CUL7: variants seen among roughly 807,000 people sequenced by gnomAD.
CUL7 encodes cullin-7.
CUL7 carries 96 observed loss-of-function variants against 177.7 expected under a neutral mutation model. That is an observed-to-expected ratio of 0.54 (90% CI 0.46 to 0.64). The LOEUF (loss-of-function observed/expected upper bound fraction) is 0.64. Among genes scored for constraint, CUL7 ranks in the 30% least tolerant of loss-of-function variants. The pLI is 0.00. For missense variants in CUL7, 1,893 were observed against 2,187.9 expected (o/e 0.87, Z 2.69); for synonymous variants, 824 against 890.2 (o/e 0.93, Z 1.32).
chr6:43,052,845 T>A lies in CUL7; in HGVS notation c.-8-49A>T, dbSNP rs779165204. 95 of 1,564,502 alleles carry A rather than the reference T, an allele frequency of 6.1e-5. 4 individuals are homozygous for A. The South Asian group carries it at 8.6e-4, about 14-fold the overall frequency. On this transcript the variant is annotated intron_variant, in intron 1 of 25. Coordinates refer to ENST00000265348, the MANE Select transcript of CUL7 (RefSeq NM_014780.5). The surrounding 1 kb of genome is among the most constrained non-coding windows in gnomAD (Gnocchi z 4.5). ...ACAGACAAGCTAGAGGAAGGAGAGG[T>A]CAGAAAATCAAAGATATCCAGGAGG...
Position 43,046,426 on chromosome 6 carries a change from G to T in CUL7, c.2489-19C>A. 6.2e-7 allele frequency: 1 copy of T among 1,614,212 alleles called. No homozygotes were observed. Among genetic ancestry groups the T allele is most frequent in the Non-Finnish European group, 8.5e-7 (1 of 1,180,040 alleles). On this transcript the variant is annotated intron_variant, in intron 11 of 25. Coordinates refer to ENST00000265348, the MANE Select transcript of CUL7 (RefSeq NM_014780.5). ...CTGGAGCCTGGGGGCAAGTGGGAAG[G>T]GGTGGTGGTCACGGTCAGGTAGGGT... is the stretch of plus-strand genomic sequence containing the variant.
At chr6:43,042,173 G>A (rs1763493787) in intron 19 of CUL7, among the ~76,000 whole-genome samples, 2 of 151,690 alleles carry the variant, frequency 1.3e-5, no homozygotes, top group South Asian at 2.1e-4. Flanking sequence ...AAAGAAAGAC[G>A]GACACAAGGA....
rs1368188566 is a variant in CUL7, at chr6:43,051,910, T to C, written c.581-147A>G. The stretch of plus-strand genomic sequence containing the variant: ...TCAAAAGCTAAAATTTGCTAACTTA[T>C]ACACATACACACACACACGCACATA... On this transcript the variant is annotated intron_variant, in intron 2 of 25. Coordinates refer to ENST00000265348, the MANE Select transcript of CUL7 (RefSeq NM_014780.5). The surrounding 1 kb of genome is among the most constrained non-coding windows in gnomAD (Gnocchi z 5.0). 1.7e-5 allele frequency: 18 copies of C among 1,068,482 alleles called. No homozygotes were observed. Among genetic ancestry groups the C allele is most frequent in the Non-Finnish European group, 2.6e-5 (18 of 697,698 alleles). The allele number at this position is 1,068,482 out of a possible 1,614,324, so 66.2% of individuals were successfully genotyped here.
chr6:43,040,093 C>T lies in CUL7; in HGVS notation c.4294+63G>A, dbSNP rs1763278228. The T allele has an allele frequency of 6.2e-7, 1 of 1,602,260 alleles. No homozygotes were observed. Among genetic ancestry groups the T allele is most frequent in the African/African-American group, 1.3e-5 (1 of 74,656 alleles). ...CCAACATCAGGGTCTGCCCCCAACC[C>T]CAGGTCCTTTCCTAGCAGCCCACCC... is the stretch of plus-strand genomic sequence containing the variant. On this transcript the variant is annotated intron_variant, in intron 22 of 25. Transcript: ENST00000265348. The surrounding 1 kb of genome is among the most constrained non-coding windows in gnomAD (Gnocchi z 4.2).
chr6:43,051,767 T>C lies in CUL7; in HGVS notation c.581-4A>G. 2 of 1,614,152 alleles carry C rather than the reference T, an allele frequency of 1.2e-6. No homozygotes were observed. Among genetic ancestry groups the C allele is most frequent in the South Asian group, 1.1e-5 (1 of 91,066 alleles). ...AGAAGGATCTGAGTCCGGGTCCCTG[T>C]AACCCACACCCCAGTTGGTAACTTC... On this transcript the variant is annotated splice_polypyrimidine_tract_variant and splice_region_variant and intron_variant, in intron 2 of 25. Transcript: ENST00000265348. The surrounding 1 kb of genome is among the most constrained non-coding windows in gnomAD (Gnocchi z 5.0).
chr6:43,047,526 C>T (rs1764021487), intron 9 of CUL7, among the ~76,000 whole-genome samples: 1 of 152,150 alleles, frequency 6.6e-6, no homozygotes, highest in Non-Finnish European at 1.5e-5. Flanking sequence ...CCCAATGAGC[C>T]TGCCTTAGAA....
rs562374862 is a variant in CUL7, at chr6:43,051,886, C to T, written c.581-123G>A. On this transcript the variant is annotated intron_variant, in intron 2 of 25. Coordinates refer to ENST00000265348, the MANE Select transcript of CUL7 (RefSeq NM_014780.5). The surrounding 1 kb of genome is among the most constrained non-coding windows in gnomAD (Gnocchi z 5.0). ...ACAATGAGAAAGAACTGATTTGCTT[C>T]AAAAGCTAAAATTTGCTAACTTATA... 5,122 of 1,340,896 alleles carry T rather than the reference C, an allele frequency of 3.8e-3. 15 individuals are homozygous for T. Among genetic ancestry groups the T allele is most frequent in the Non-Finnish European group, 4.8e-3 (4,462 of 938,272 alleles). The allele number at this position is 1,340,896 out of a possible 1,614,324, so 83.1% of individuals were successfully genotyped here.
intron 7 of CUL7, 55 bp downstream of exon 7, chr6:43,049,352 T>C: frequency 6.2e-7 from 1 of 1,610,052 alleles, no homozygotes; most frequent in Non-Finnish European, 8.5e-7. Context: ...CAGACATCTC[T>C]CCTGTGCTAC....
Position 43,040,991 on chromosome 6 carries a change from G to A in CUL7, c.3730C>T (p.Gln1244Ter). 6.2e-7 allele frequency: 1 copy of A among 1,613,496 alleles called. No homozygotes were observed. The highest frequency in any genetic ancestry group is 8.5e-7 in the Non-Finnish European group (1 of 1,179,730). The change falls in exon 20 of 26, where the codon CAG becomes TAG. Residue 1244 changes from glutamine (Q) to a stop codon, truncating the protein, a stop_gained. Transcript: ENST00000265348. LOFTEE classifies it high-confidence loss of function. The surrounding 1 kb of genome is among the most constrained non-coding windows in gnomAD (Gnocchi z 4.2). ...GGAQEMERLA[Q>*]LQQCLQAVLI... ...ACAGCTTGCAGGCATTGCTGCAGCT[G>A]TGCCAGCCTCTCCATTTCCTGGGCT...
At chr6:43,039,317 T>C (rs1375238578) in intron 22 of CUL7, among the ~76,000 whole-genome samples, 3 of 152,190 alleles carry the variant, frequency 2.0e-5, no homozygotes, top group African/African-American at 7.2e-5. Flanking sequence ...GCTGGAATAT[T>C]ATGACAGGAA....
intron 9 of CUL7, 52 bp from the exon 10 acceptor site, chr6:43,047,159 A>G (rs1763992105): frequency 4.8e-6 from 5 of 1,040,088 alleles, no homozygotes; most frequent in Non-Finnish European, 7.6e-6. Flanking sequence ...GAGGGCCACA[A>G]GGGCACCTGC....
Position 43,040,479 on chromosome 6 carries a change from G to T in CUL7, c.4023+51C>A, listed in dbSNP as rs141784862. ...CATGGCCTCCTCCAGTCTGCTCCAC[G>T]CCCCTCTTCCCCCTACCCTCTTATT... On this transcript the variant is annotated intron_variant, in intron 21 of 25. Transcript: ENST00000265348. The surrounding 1 kb of genome is among the most constrained non-coding windows in gnomAD (Gnocchi z 4.2). The T allele has an allele frequency of 3.3e-5, 54 of 1,612,360 alleles. No homozygotes were observed. Among genetic ancestry groups the T allele is most frequent in the Non-Finnish European group, 4.4e-5 (52 of 1,179,970 alleles).
intron 19 of CUL7, among the ~76,000 whole-genome samples, chr6:43,041,703 G>T (rs1235967402): frequency 4.0e-5 from 6 of 151,180 alleles, no homozygotes; most frequent in African/African-American, 1.2e-4. Flanking sequence ...GAAGGGAAGG[G>T]GAAGGGAAGG....
In CUL7 at chr6:43,043,478, G is replaced by C. The variant is rs576570733; in HGVS notation, c.3325C>G (p.Pro1109Ala). 38 of 1,614,064 alleles carry C rather than the reference G, an allele frequency of 2.4e-5. No individual in the cohort carries two copies. In the South Asian group the frequency reaches 3.6e-4, roughly 15 times the overall value. The change falls in exon 17 of 26, where the codon CCC becomes GCC. Residue 1109 changes from proline (P) to alanine (A), a missense_variant. This residue lies in a region of CUL7 where 973 missense variants were observed against 1,140.9 expected (regional missense o/e 0.85). Transcript: ENST00000265348. The surrounding 1 kb of genome is among the most constrained non-coding windows in gnomAD (Gnocchi z 4.2). ...CGAGGAGTGGCCACCACAGGAGGGG[G>C]TGCCTCACAGGGCTCGACATGCACC... is the stretch of plus-strand genomic sequence containing the variant. Reference protein sequence around the residue: ...LLVHVEPCEAPPPVVATPRPK... With the variant: ...LLVHVEPCEAAPPVVATPRPK...
chr6:43,046,198 C>G (rs878993339), intron 12 of CUL7, 38 bp downstream of exon 12: 1 of 1,614,104 alleles, frequency 6.2e-7, no homozygotes, highest in South Asian at 1.1e-5. Context: ...CACAGGAAAG[C>G]ACACGTGTGT....
chr6:43,042,896 G>A lies in CUL7; in HGVS notation c.3551C>T (p.Ser1184Phe). 1 of 1,614,156 alleles carries A rather than the reference G, an allele frequency of 6.2e-7. No individual in the cohort carries two copies. The highest frequency in any genetic ancestry group is 8.5e-7 in the Non-Finnish European group (1 of 1,180,010). ...GGCTGCCCGAGGCCCAAACAGTTCAGAGCTTGAGTTCTGCAGAATATTAAA... is the reference window on the plus strand; with the variant it reads ...GGCTGCCCGAGGCCCAAACAGTTCAAAGCTTGAGTTCTGCAGAATATTAAA... ...EHFNILQNSS[S>F]ELFGPRAAFL... The change falls in exon 19 of 26, where the codon TCT (serine) becomes TTT (phenylalanine). Residue 1184 changes from serine to phenylalanine, a missense_variant. This residue lies in a region of CUL7 where 973 missense variants were observed against 1,140.9 expected (regional missense o/e 0.85). Coordinates refer to ENST00000265348, the MANE Select transcript of CUL7 (RefSeq NM_014780.5).
Position 43,050,441 on chromosome 6 carries a change from C to T in CUL7, c.1234-43G>A, listed in dbSNP as rs937965644. ...AAAGAGGGAAGGGGAAGGGAGGACT[C>T]ACAAATGACTGGCTGTGGCCCAGTA... On this transcript the variant is annotated intron_variant, in intron 4 of 25. Coordinates refer to ENST00000265348, the MANE Select transcript of CUL7 (RefSeq NM_014780.5). This position sits in a 1 kb window ranked among gnomAD's most constrained non-coding sequence, Gnocchi z 4.1. 1.2e-6 allele frequency: 2 copies of T among 1,612,508 alleles called. No individual in the cohort carries two copies. Among genetic ancestry groups the T allele is most frequent in the Non-Finnish European group, 1.7e-6 (2 of 1,179,600 alleles).
In CUL7 at chr6:43,053,753, C is replaced by T. The variant is rs1359420378; in HGVS notation, c.-140G>A. ...GTCGAGACGGAGAGACGGGAGGGGG[C>T]GTGCCTCCGCGGAACAGAGCTGCAC... On this transcript the variant is annotated 5_prime_UTR_variant, in exon 1 of 26. Transcript: ENST00000265348. This position sits in a 1 kb window ranked among gnomAD's most constrained non-coding sequence, Gnocchi z 4.1. 2.0e-6 allele frequency: 3 copies of T among 1,498,476 alleles called. No homozygotes were observed. The highest frequency in any genetic ancestry group is 4.3e-5 in the Admixed American group (2 of 47,050). The allele number at this position is 1,498,476 out of a possible 1,614,324, so 92.8% of individuals were successfully genotyped here. A position where few individuals can be genotyped will look rare whatever the true frequency, so the allele number is the denominator to read the frequency against.
intron 11 of CUL7, 50 bp from the exon 12 acceptor site, chr6:43,046,457 G>A (rs922957177): frequency 6.8e-6 from 11 of 1,614,162 alleles, no homozygotes; most frequent in Non-Finnish European, 9.3e-6. Flanking sequence ...AGGGTGTAGA[G>A]GGGAAACAGA....
Sources: allele counts gnomAD v4.1 joint callset (sites outside exome capture counted in the v4.1 genomes callset), GRCh38; gene constraint gnomAD v4.1.1; regional missense constraint gnomAD v4.1.1; non-coding constraint Gnocchi (gnomAD v3.1); transcripts MANE v1.5; gene names NCBI Gene and HGNC (gene_info 2026-07-23, HGNC 2026-07-21).